ZMYM4: variants seen among roughly 807,000 people sequenced by gnomAD.
The protein encoded by ZMYM4 is zinc finger MYM-type protein 4.
In ZMYM4, 31 loss-of-function variants were observed where a neutral mutation model predicts 183.2. The observed-to-expected ratio is 0.17, with a 90% CI of 0.13 to 0.23. The LOEUF is 0.23. Among genes scored for constraint, ZMYM4 ranks in the 10% least tolerant of loss-of-function variants. ZMYM4 has a pLI of 1.00. For missense variants in ZMYM4, 1,273 were observed against 1,840.3 expected (o/e 0.69, Z 5.64); for synonymous variants, 592 against 631.2 (o/e 0.94, Z 0.93).
intron 2 of ZMYM4, among the ~76,000 whole-genome samples, chr1:35,335,678 C>T (rs183266412): frequency 5.9e-5 from 9 of 152,178 alleles, no homozygotes; most frequent in Admixed American, 2.6e-4. Flanking sequence ...CTGGGCCAGG[C>T]GCAGTGGCTC....
Position 35,277,837 on chromosome 1 carries a change from A to T in ZMYM4, c.39+8752A>T, listed in dbSNP as rs924333537. On this transcript the variant is annotated intron_variant, in intron 1 of 29. Transcript: ENST00000314607. ...ACAACTCCCAAAGGTGAGGTTTGGGAGGGAGTATCATTAGGAACTCATGAG... is the reference window on the plus strand; with the variant it reads ...ACAACTCCCAAAGGTGAGGTTTGGGTGGGAGTATCATTAGGAACTCATGAG... Among the ~76,000 whole-genome samples, 49 of 152,240 alleles carry T rather than the reference A, an allele frequency of 3.2e-4. 1 individual carries two copies. Among genetic ancestry groups the T allele is most frequent in the African/African-American group, 1.2e-3 (49 of 41,546 alleles).
At chr1:35,297,046 C>T (rs1299382421) in intron 1 of ZMYM4, among the ~76,000 whole-genome samples, 1 of 152,070 alleles carries the variant, frequency 6.6e-6, no homozygotes, top group East Asian at 1.9e-4. Context: ...GACGGAGTTT[C>T]ACCATGTTGG....
At chr1:35,403,918 A>G (rs1644956913) in intron 23 of ZMYM4, among the ~76,000 whole-genome samples, 1 of 151,994 alleles carries the variant, frequency 6.6e-6, no homozygotes, top group Non-Finnish European at 1.5e-5. Flanking sequence ...ATCTTTCAAG[A>G]AGTTTGTCCA....
intron 3 of ZMYM4, 121 bp from the exon 4 acceptor site, chr1:35,361,073 C>CT (rs984169790): frequency 1.2e-6 from 1 of 829,700 alleles, no homozygotes; most frequent in Admixed American, 3.6e-5. Context: ...CCAGTTCACT[C>CT]TAACGAGCAT....
intron 2 of ZMYM4, among the ~76,000 whole-genome samples, chr1:35,353,979 C>T (rs1384291065): frequency 6.6e-6 from 1 of 151,690 alleles, no homozygotes; most frequent in Non-Finnish European, 1.5e-5. Flanking sequence ...ACTCCCATCT[C>T]CACAAAAAAT....
At chr1:35,274,885 A>G (rs1639793664) in intron 1 of ZMYM4, among the ~76,000 whole-genome samples, 1 of 152,210 alleles carries the variant, frequency 6.6e-6, no homozygotes, top group Non-Finnish European at 1.5e-5. Flanking sequence ...ATCAGGATCA[A>G]TTATTACTTG....
At chr1:35,271,529 A>G (rs1253810976) in intron 1 of ZMYM4, among the ~76,000 whole-genome samples, 1 of 152,018 alleles carries the variant, frequency 6.6e-6, no homozygotes, top group Non-Finnish European at 1.5e-5. Flanking sequence ...CAGCCTCCCA[A>G]GTAGCTGGGA....
intron 1 of ZMYM4, among the ~76,000 whole-genome samples, chr1:35,277,549 G>A (rs1051700405): frequency 1.3e-5 from 2 of 152,024 alleles, no homozygotes; most frequent in Non-Finnish European, 2.9e-5. Flanking sequence ...TTTGGTTTAG[G>A]TTCTGTCAGT....
chr1:35,303,043 G>A (rs1641361056), intron 1 of ZMYM4, among the ~76,000 whole-genome samples: 1 of 151,696 alleles, frequency 6.6e-6, no homozygotes, highest in Non-Finnish European at 1.5e-5. Flanking sequence ...CAGAGGTTGA[G>A]GTGGGAGGAT....
chr1:35,377,489 C>G (rs1025354320), intron 7 of ZMYM4, among the ~76,000 whole-genome samples: 2 of 152,050 alleles, frequency 1.3e-5, no homozygotes, highest in Non-Finnish European at 2.9e-5. Context: ...AGCCATACTT[C>G]AGAGATATTC....
intron 1 of ZMYM4, chr1:35,292,501 TTA>T (rs1640811528): frequency 6.6e-6 from 1 of 151,918 alleles, no homozygotes; most frequent in African/African-American, 2.4e-5. Flanking sequence ...CGTGCAGCGG[TTA>T]GTTGTTTTTT....
At chr1:35,406,624 T>C (rs1037318835) in intron 25 of ZMYM4, among the ~76,000 whole-genome samples, 16 of 152,212 alleles carry the variant, frequency 1.1e-4, no homozygotes, top group Non-Finnish European at 2.2e-4. Context: ...GTTACAGGGA[T>C]GGCAACCCAT....
Position 35,408,010 on chromosome 1 carries a change from C to T in ZMYM4, c.3799C>T (p.Arg1267Cys), listed in dbSNP as rs145472275. Residue 1267 changes from arginine (R) to cysteine (C), a missense_variant and splice_region_variant, in exon 26 of 30, where the codon CGC (arginine) becomes TGC (cysteine). Transcript: ENST00000314607. ...AGATGTTTTCTACCTTTCCACAGTC[C>T]GCTCTATCAAGCTGAAGGAAGACAT... is the stretch of plus-strand genomic sequence containing the variant. ...QESSEPGCRV[R>C]SIKLKEDILS... 2.7e-4 allele frequency: 433 copies of T among 1,613,920 alleles called. No homozygotes were observed. The highest frequency in any genetic ancestry group is 3.5e-4 in the Non-Finnish European group (412 of 1,179,984).
intron 2 of ZMYM4, among the ~76,000 whole-genome samples, chr1:35,358,386 C>T (rs571544172): frequency 6.6e-6 from 1 of 152,176 alleles, no homozygotes; most frequent in South Asian, 2.1e-4. Context: ...AGTGTTAGTG[C>T]AGAGAAAATG....
At chr1:35,283,773 T>C (rs1640317960) in intron 1 of ZMYM4, among the ~76,000 whole-genome samples, 1 of 152,168 alleles carries the variant, frequency 6.6e-6, no homozygotes, top group South Asian at 2.1e-4. Flanking sequence ...TGCATGTTTT[T>C]TAATTGCACA....
intron 2 of ZMYM4, among the ~76,000 whole-genome samples, chr1:35,335,054 C>G (rs1347723957): frequency 6.6e-6 from 1 of 152,084 alleles, no homozygotes. Context: ...CTCTTGATGC[C>G]AATTTCCCAG....
At chr1:35,317,822 A>C (rs1642115290) in intron 1 of ZMYM4, among the ~76,000 whole-genome samples, 1 of 152,142 alleles carries the variant, frequency 6.6e-6, no homozygotes, top group African/African-American at 2.4e-5. Context: ...AAGACATAGG[A>C]TCTTCAAGTG....
intron 19 of ZMYM4, chr1:35,396,932 A>G: frequency 3.5e-6 from 2 of 564,660 alleles, no homozygotes; most frequent in Non-Finnish European, 4.8e-6. Context: ...AAAAGATCAG[A>G]AATGGTGTAT....
intron 1 of ZMYM4, among the ~76,000 whole-genome samples, chr1:35,285,153 T>C (rs1640414276): frequency 6.6e-6 from 1 of 152,040 alleles, no homozygotes; most frequent in Non-Finnish European, 1.5e-5. Context: ...TTTTGGCTAT[T>C]TGGGGTGTGT....
Sources: gnomAD v4.1 joint callset for allele counts (sites outside exome capture counted in the v4.1 genomes callset) on GRCh38, gnomAD v4.1.1 for gene constraint, MANE v1.5 for transcripts, NCBI Gene and HGNC (gene_info 2026-07-23, HGNC 2026-07-21) for gene names.